The following SLC4A2 variants were observed in gnomAD, a reference collection of about 807,000 sequenced individuals.
SLC4A2 encodes the protein anion exchange protein 2.
SLC4A2 carries 36 observed loss-of-function variants against 115.0 expected under a neutral mutation model. That is an observed-to-expected ratio of 0.31 (90% CI 0.24 to 0.41). The LOEUF (loss-of-function observed/expected upper bound fraction) is 0.41. SLC4A2 is among the 10% of genes least tolerant of loss of function. The pLI, the probability that SLC4A2 is intolerant of heterozygous loss-of-function variation, is 1.00. For synonymous variants in SLC4A2, 708 were observed against 708.3 expected, an observed-to-expected ratio of 1.00 and a Z score of 0.01; for missense variants, 1,252 against 1,705.6, an observed-to-expected ratio of 0.73 and a Z score of 4.68.
intron 7 of SLC4A2, 94 bp from the exon 8 acceptor site, chr7:151,067,780 C>A: frequency 1.9e-6 from 2 of 1,060,556 alleles, no homozygotes; most frequent in Non-Finnish European, 2.8e-6. Flanking sequence ...TCTCCAGGGT[C>A]ACTTGGCTCC....
At position 151,076,491 on chromosome 7, in the gene SLC4A2, C is replaced by A. The variant is rs1797652782; in HGVS notation, c.*124C>A. 2 of 840,006 alleles carry A rather than the reference C, an allele frequency of 2.4e-6. No individual in the cohort carries two copies. Among genetic ancestry groups the A allele is most frequent in the South Asian group, 2.1e-5 (1 of 47,998 alleles). The allele number at this position is 840,006 out of a possible 1,614,324, so 52.0% of individuals were successfully genotyped here. ...AATAATTTAAAGTCTTCTCCTCCCC[C>A]ACTGCCCCTGCAGTAAAGTGCTTTG... On this transcript the variant is annotated 3_prime_UTR_variant, in exon 23 of 23. Coordinates refer to ENST00000413384, the MANE Select transcript of SLC4A2 (RefSeq NM_003040.4).
intron 5 of SLC4A2, among the ~76,000 whole-genome samples, chr7:151,065,814 A>G (rs903986613): frequency 6.6e-6 from 1 of 152,064 alleles, no homozygotes; most frequent in Non-Finnish European, 1.5e-5. Context: ...GGGGGCTAGG[A>G]GAGCCTGGTC....
At chr7:151,058,344 C>T (rs773153727), upstream of SLC4A2, 1 of 189,376 alleles carries the variant, frequency 5.3e-6, no homozygotes, top group Admixed American at 5.4e-5. Context: ...CCAGCGCTGA[C>T]CTGGTTGGTG....
rs564479350 is a variant in SLC4A2 at position 151,072,972 on chromosome 7, T to C, written c.2535+836T>C. 7.2e-5 allele frequency among the ~76,000 whole-genome samples: 11 copies of C among 152,068 alleles called. No homozygotes were observed. In the East Asian group the frequency reaches 2.1e-3, roughly 29 times the overall value. On this transcript the variant is annotated intron_variant, in intron 16 of 22. Transcript: ENST00000413384. ...GCCACTGCACCCAGCCAAAAACTCA[T>C]ACTTTTATTTTTTAAAAACTTCTAT... is the stretch of plus-strand genomic sequence containing the variant.
rs762347326 is a variant in SLC4A2, at chr7:151,074,106, A to T, written c.2603A>T (p.Asn868Ile). ...SNSSEVDGGENMTWAGARPTL... is the reference protein window; with the variant it reads ...SNSSEVDGGEIMTWAGARPTL... ...AGCTCAGAGGTGGACGGCGGTGAGA[A>T]CATGACATGGGCCGGGGCAAGACCC... Residue 868 changes from asparagine to isoleucine, a missense_variant, in exon 17 of 23, where the codon AAC (asparagine) becomes ATC (isoleucine). Physicochemically the swap from Asn to Ile is moderately radical, Grantham distance 149 (BLOSUM62 -3). Around this residue, in one of 14 missense-constraint regions of SLC4A2, gnomAD observed 55 missense variants for 48.6 expected, o/e 1.13. Coordinates refer to ENST00000413384, the MANE Select transcript of SLC4A2 (RefSeq NM_003040.4). 1 of 1,611,402 alleles carries T rather than the reference A, an allele frequency of 6.2e-7. No individual in the cohort carries two copies. The highest frequency in any genetic ancestry group is 8.5e-7 in the Non-Finnish European group (1 of 1,179,132).
intron 19 of SLC4A2, 105 bp from the exon 20 acceptor site, chr7:151,075,150 G>C: frequency 6.8e-7 from 1 of 1,479,736 alleles, no homozygotes. Context: ...GGGACCGCCA[G>C]GTTCCAAAGC....
chr7:151,076,456 T>C lies in SLC4A2; in HGVS notation c.*89T>C, dbSNP rs11542751. On this transcript the variant is annotated 3_prime_UTR_variant, in exon 23 of 23. Transcript: ENST00000413384. The stretch of plus-strand genomic sequence containing the variant: ...CCCTCCCATGCCCCTCCCTCCTTTT[T>C]ATTTAAGTGAATAATTTAAAGTCTT... The C allele has an allele frequency of 9.5e-7, 1 of 1,055,878 alleles. No homozygotes were observed. The highest frequency in any genetic ancestry group is 1.6e-5 in the African/African-American group (1 of 61,556). 65.4% of individuals were successfully genotyped at this position (1,055,878 alleles called of 1,614,324 possible).
intron 2 of SLC4A2, among the ~76,000 whole-genome samples, chr7:151,062,385 A>G (rs1339547721): frequency 1.3e-5 from 2 of 152,158 alleles, no homozygotes; most frequent in Non-Finnish European, 2.9e-5. Context: ...CACGCGGGCC[A>G]GGGTTCTGGG....
chr7:151,063,981 AGCCTCCCAAAGTGCTGGGATTACAG>A, intron 2 of SLC4A2, among the ~76,000 whole-genome samples, 196 bp from the exon 3 acceptor site: 1 of 151,960 alleles, frequency 6.6e-6, no homozygotes, highest in African/African-American at 2.4e-5. Flanking sequence ...CACCCACCTC[AGCCTCCCAAAGTGCTGGGATTACAG>A]GTGTGAGCCA....
At position 151,070,212 on chromosome 7, in the gene SLC4A2, C is replaced by T. The variant is rs747111630; in HGVS notation, c.1315C>T (p.Pro439Ser). 4.3e-6 allele frequency: 7 copies of T among 1,614,170 alleles called. No homozygotes were observed. Among genetic ancestry groups the T allele is most frequent in the South Asian group, 1.1e-5 (1 of 91,082 alleles). ...HPSDEKDFSF[P>S]RNISAGSLGS... ...AAGTGATGAGAAGGACTTCTCCTTC[C>T]CCCGCAACATCTCAGCTGGCTCCCT... The change falls in exon 10 of 23, where the codon CCC becomes TCC. Residue 439 changes from proline (P) to serine (S), a missense_variant. By Grantham distance (74) the Pro-to-Ser change is moderately conservative. Around this residue, in one of 14 missense-constraint regions of SLC4A2, gnomAD observed 142 missense variants for 153.5 expected, o/e 0.93. Transcript: ENST00000413384.
At position 151,064,733 on chromosome 7, in the gene SLC4A2, A is replaced by G; in HGVS notation, c.425A>G (p.Gln142Arg). The part of the protein sequence containing the change: ...SEAEGARALT[Q>R]PSPVSTPSSV... The stretch of plus-strand genomic sequence containing the variant: ...GCTGAGGGGGCCCGGGCTCTCACTC[A>G]GCCGTCCCCTGTCTCCACACCCTCC... Residue 142 changes from glutamine (Q) to arginine (R), a missense_variant, in exon 4 of 23, where the codon CAG becomes CGG. By Grantham distance (43) the Gln-to-Arg change is conservative. Transcript: ENST00000413384. 1 of 1,611,392 alleles carries G rather than the reference A, an allele frequency of 6.2e-7. No individual in the cohort carries two copies. The highest frequency in any genetic ancestry group is 1.3e-5 in the African/African-American group (1 of 74,938).
Position 151,070,449 on chromosome 7 carries a change from T to G in SLC4A2, c.1450-8T>G. 1 of 1,611,350 alleles carries G rather than the reference T, an allele frequency of 6.2e-7. No homozygotes were observed. The highest frequency in any genetic ancestry group is 8.5e-7 in the Non-Finnish European group (1 of 1,178,960). On this transcript the variant is annotated splice_polypyrimidine_tract_variant and splice_region_variant and intron_variant, in intron 10 of 22. Coordinates refer to ENST00000413384, the MANE Select transcript of SLC4A2 (RefSeq NM_003040.4). Reference sequence around the variant, plus strand: ...CTGGCTGGGCTGAGCCCTGTCTGTGTCCCCCAGCGTGAGCTGCCGCCTCCA... The same window carrying G: ...CTGGCTGGGCTGAGCCCTGTCTGTGGCCCCCAGCGTGAGCTGCCGCCTCCA...
At chr7:151,062,667 C>A (rs1239402944) in intron 2 of SLC4A2, 1 of 1,519,666 alleles carries the variant, frequency 6.6e-7, no homozygotes. Context: ...GCCTCAGGTG[C>A]GAGGGGTCTG....
chr7:151,062,678 C>T lies in SLC4A2; in HGVS notation c.51+640C>T, dbSNP rs554272128. The T allele has an allele frequency of 2.2e-4, 330 of 1,509,126 alleles. 6 individuals are homozygous for T. In the South Asian group the frequency reaches 3.9e-3, roughly 18 times the overall value. The allele number at this position is 1,509,126 out of a possible 1,614,324, so 93.5% of individuals were successfully genotyped here. A position where few individuals can be genotyped will look rare whatever the true frequency, so the allele number is the denominator to read the frequency against. ...TGCGGCCTCAGGTGCGAGGGGTCTG[C>T]GACCCTCTCTCCCCATGGCGGCAAG... On this transcript the variant is annotated intron_variant, in intron 2 of 22. Transcript: ENST00000413384.
At chr7:151,069,159 A>AAAAAAAAAAAAAAAAAAAAG (rs1554451788) in intron 8 of SLC4A2, among the ~76,000 whole-genome samples, 1 of 147,950 alleles carries the variant, frequency 6.8e-6, no homozygotes, top group African/African-American at 2.5e-5. Context: ...AAAAAAAAAA[A>AAAAAAAAAAAAAAAAAAAAG]GCAGCTGAGG....
rs753341404 is a variant in SLC4A2, at chr7:151,072,045, T to C, written c.2444T>C (p.Leu815Pro). ...ATGGTGGCCCTGGAGGGGAGCTTCC[T>C]GGTCCGCTTCGTCTCCCGCTTCACC... ...LLMVALEGSF[L>P]VRFVSRFTQE... The change falls in exon 16 of 23, where the codon CTG becomes CCG. Residue 815 changes from leucine (L) to proline (P), a missense_variant. By Grantham distance (98) the Leu-to-Pro change is moderately conservative (BLOSUM62 -3). Coordinates refer to ENST00000413384, the MANE Select transcript of SLC4A2 (RefSeq NM_003040.4). The C allele has an allele frequency of 6.2e-7, 1 of 1,614,180 alleles. No individual in the cohort carries two copies. The highest frequency in any genetic ancestry group is 8.5e-7 in the Non-Finnish European group (1 of 1,180,016).
Position 151,060,754 on chromosome 7 carries a change from G to C in SLC4A2, c.-64+992G>C, listed in dbSNP as rs1047046109. On this transcript the variant is annotated intron_variant, in intron 1 of 22. Transcript: ENST00000413384. This position sits in a 1 kb window ranked among gnomAD's most constrained non-coding sequence, Gnocchi z 5.9. ...CCGCCCTGGCTGAAGGCCTGCTGAG[G>C]GGGAGGGGAAGAGCGTGGTTAGCCA... is the stretch of plus-strand genomic sequence containing the variant. 6.6e-6 allele frequency among the ~76,000 whole-genome samples: 1 copy of C among 152,200 alleles called. No individual in the cohort carries two copies. Among genetic ancestry groups the C allele is most frequent in the Non-Finnish European group, 1.5e-5 (1 of 68,020 alleles).
At position 151,059,721 on chromosome 7, in the gene SLC4A2, G is replaced by A. The variant is rs1264178812; in HGVS notation, c.-105G>A. The A allele has an allele frequency of 2.0e-5, 3 of 151,546 alleles. No homozygotes were observed. Among genetic ancestry groups the A allele is most frequent in the African/African-American group, 7.3e-5 (3 of 41,308 alleles). The allele number at this position is 151,546 out of a possible 1,614,324, so 9.4% of individuals were successfully genotyped here. On this transcript the variant is annotated 5_prime_UTR_variant, in exon 1 of 23. Coordinates refer to ENST00000413384, the MANE Select transcript of SLC4A2 (RefSeq NM_003040.4). This position sits in a 1 kb window ranked among gnomAD's most constrained non-coding sequence, Gnocchi z 5.8. ...GCGCGAGTGCGCCGGAGGACGGGGA[G>A]AGACCCCGAGACCCCCGGGGCACGA...
At chr7:151,063,219 G>A (rs1797115356) in intron 2 of SLC4A2, 2 of 1,321,008 alleles carry the variant, frequency 1.5e-6, no homozygotes, top group Non-Finnish European at 9.9e-7. Flanking sequence ...GGTGAGGGGT[G>A]GGGCTAGGGA....
Sources: gnomAD v4.1 joint callset for allele counts (sites outside exome capture counted in the v4.1 genomes callset) on GRCh38, gnomAD v4.1.1 for gene constraint, gnomAD v4.1.1 regional missense constraint, Gnocchi (gnomAD v3.1) non-coding constraint, MANE v1.5 for transcripts, NCBI Gene and HGNC (gene_info 2026-07-23, HGNC 2026-07-21) for gene names.